The following GRID2 variants were observed in gnomAD, a reference collection of about 807,000 sequenced individuals.
GRID2 encodes glutamate ionotropic receptor delta type subunit 2.
In GRID2, 33 loss-of-function variants were observed where a neutral mutation model predicts 114.8. The ratio of observed to expected loss-of-function variants is 0.29; its 90% confidence interval spans 0.22 to 0.38. GRID2 has a LOEUF of 0.38. Ranked by LOEUF, GRID2 falls within the 10% of genes least tolerant of loss-of-function variation. The pLI is 1.00. For missense variants in GRID2, 1,184 were observed against 1,257.7 expected, an observed-to-expected ratio of 0.94 and a Z score of 0.89; for synonymous variants, 505 against 449.9, an observed-to-expected ratio of 1.12 and a Z score of -1.55.
At chr4:92,723,523 A>T (rs1735911190) in intron 2 of GRID2, among the ~76,000 whole-genome samples, 1 of 152,170 alleles carries the variant, frequency 6.6e-6, no homozygotes, top group South Asian at 2.1e-4. Context: ...ACTTGACAGA[A>T]ATATGTCTTT....
intron 8 of GRID2, among the ~76,000 whole-genome samples, chr4:93,350,304 C>G (rs1760676227): frequency 6.6e-6 from 1 of 152,070 alleles, no homozygotes; most frequent in Non-Finnish European, 1.5e-5. Context: ...TCAACAGAAC[C>G]TATGCTTTAG....
At chr4:92,893,073 G>A (rs2149471712) in intron 2 of GRID2, among the ~76,000 whole-genome samples, 1 of 152,180 alleles carries the variant, frequency 6.6e-6, no homozygotes, top group South Asian at 2.1e-4. Flanking sequence ...AATGTTTCTG[G>A]TTTTCTTTTT....
chr4:92,509,589 G>A (rs537250368), intron 1 of GRID2, among the ~76,000 whole-genome samples: 62 of 151,914 alleles, frequency 4.1e-4, no homozygotes, highest in Non-Finnish European at 1.2e-4. Flanking sequence ...AAAATATAGA[G>A]TGTATTAGAT....
intron 1 of GRID2, among the ~76,000 whole-genome samples, chr4:92,514,495 T>G (rs532249862): frequency 6.6e-6 from 1 of 152,022 alleles, no homozygotes; most frequent in South Asian, 2.1e-4. Flanking sequence ...AGTCTGCTAT[T>G]TCCATAGGCT....
chr4:92,851,758 A>G (rs1021765072), intron 2 of GRID2, among the ~76,000 whole-genome samples: 8 of 151,994 alleles, frequency 5.3e-5, no homozygotes, highest in African/African-American at 1.7e-4. Context: ...TATAGGTCAT[A>G]GGAGTACATA....
intron 13 of GRID2, among the ~76,000 whole-genome samples, chr4:93,619,694 G>A (rs895980869): frequency 1.3e-5 from 2 of 152,132 alleles, no homozygotes; most frequent in East Asian, 1.9e-4. Flanking sequence ...AGGCCTCGAG[G>A]GTCCAGAGTC....
At chr4:93,766,131 A>G (rs1373240944) in intron 14 of GRID2, among the ~76,000 whole-genome samples, 4 of 152,198 alleles carry the variant, frequency 2.6e-5, no homozygotes, top group Non-Finnish European at 5.9e-5. Context: ...CGAAAATGGA[A>G]CAGACTGATC....
intron 1 of GRID2, among the ~76,000 whole-genome samples, chr4:92,336,959 T>TA (rs1307014898): frequency 1.3e-5 from 2 of 148,688 alleles, no homozygotes; most frequent in Admixed American, 1.3e-4. Context: ...TTGTTGTTTT[T>TA]TTTTTTTTTT....
intron 3 of GRID2, among the ~76,000 whole-genome samples, chr4:93,087,627 G>C (rs1016889947): frequency 2.0e-5 from 3 of 151,764 alleles, no homozygotes; most frequent in Admixed American, 1.3e-4. Flanking sequence ...TATATGACTG[G>C]GTCATTTGTT....
intron 14 of GRID2, among the ~76,000 whole-genome samples, chr4:93,648,376 G>T (rs1057443598): frequency 6.6e-6 from 1 of 152,074 alleles, no homozygotes; most frequent in Non-Finnish European, 1.5e-5. Context: ...AGCCCCTAAG[G>T]ACTGATATTA....
At chr4:92,684,230 G>T (rs1393965110) in intron 2 of GRID2, among the ~76,000 whole-genome samples, 1 of 151,874 alleles carries the variant, frequency 6.6e-6, no homozygotes, top group Non-Finnish European at 1.5e-5. Context: ...TTCAGAGGTG[G>T]GTTATGTTTG....
intron 8 of GRID2, among the ~76,000 whole-genome samples, chr4:93,314,110 G>C (rs1756314820): frequency 6.6e-6 from 1 of 151,880 alleles, no homozygotes; most frequent in East Asian, 1.9e-4. Context: ...TTCAAGACAA[G>C]CCTGGCCAAC....
intron 2 of GRID2, among the ~76,000 whole-genome samples, chr4:92,935,362 A>C (rs569087534): frequency 6.8e-6 from 1 of 146,804 alleles, no homozygotes; most frequent in African/African-American, 2.4e-5. Flanking sequence ...TTAGAATGGC[A>C]ATCATTAAAA....
chr4:92,921,585 G>T (rs925757493), intron 2 of GRID2, among the ~76,000 whole-genome samples: 2 of 152,286 alleles, frequency 1.3e-5, no homozygotes, highest in South Asian at 2.1e-4. Context: ...CTCAGCTGCA[G>T]GTCTGTTGGA....
intron 1 of GRID2, among the ~76,000 whole-genome samples, chr4:92,374,459 C>T (rs1010546629): frequency 6.6e-6 from 1 of 152,114 alleles, no homozygotes; most frequent in East Asian, 1.9e-4. Flanking sequence ...ATTGAAGTCT[C>T]ATGTCTCCCT....
At chr4:92,569,048 T>A (rs1727484738) in intron 1 of GRID2, among the ~76,000 whole-genome samples, 1 of 152,026 alleles carries the variant, frequency 6.6e-6, no homozygotes, top group African/African-American at 2.4e-5. Context: ...CCATGGTGGT[T>A]TGGTGCACAG....
At chr4:92,811,344 C>T (rs1048941734) in intron 2 of GRID2, among the ~76,000 whole-genome samples, 16 of 152,144 alleles carry the variant, frequency 1.1e-4, no homozygotes, top group African/African-American at 3.6e-4. Flanking sequence ...TAGTATATTT[C>T]ATACCCAAAT....
At chr4:92,570,151 G>A (rs2149191270) in intron 1 of GRID2, among the ~76,000 whole-genome samples, 1 of 152,114 alleles carries the variant, frequency 6.6e-6, no homozygotes, top group African/African-American at 2.4e-5. Context: ...GTAAGGAAGG[G>A]GTCCAGTTTC....
At chr4:93,214,077 A>G (rs1743904778) in intron 5 of GRID2, among the ~76,000 whole-genome samples, 2 of 152,162 alleles carry the variant, frequency 1.3e-5, no homozygotes, top group East Asian at 3.9e-4. Flanking sequence ...AAGAAGGAAA[A>G]TAATTTTATA....
Sources: allele counts gnomAD v4.1 joint callset (sites outside exome capture counted in the v4.1 genomes callset), GRCh38; gene constraint gnomAD v4.1.1; transcripts MANE v1.5; gene names NCBI Gene and HGNC (gene_info 2026-07-23, HGNC 2026-07-21).